The following SLC8A3 variants were observed in gnomAD, a reference collection of about 807,000 sequenced individuals.
SLC8A3 encodes sodium/calcium exchanger 3.
Under a neutral mutation model 65.4 loss-of-function variants are expected in SLC8A3, and 37 were observed. That is an observed-to-expected ratio of 0.57 (90% confidence interval 0.44 to 0.74). SLC8A3 has a LOEUF of 0.74. Ranked by LOEUF, SLC8A3 falls within the 30% of genes least tolerant of loss-of-function variation. The pLI, the probability that SLC8A3 is intolerant of heterozygous loss-of-function variation, is 0.00. For missense variants in SLC8A3, 1,112 were observed against 1,172.1 expected (o/e 0.95, Z 0.75); for synonymous variants, 461 against 444.5 (o/e 1.04, Z -0.47).
chr14:70,186,684 T>C (rs1883247405), intron 1 of SLC8A3, among the ~76,000 whole-genome samples: 1 of 152,156 alleles, frequency 6.6e-6, no homozygotes. Flanking sequence ...CTGGGCATTG[T>C]AGATTGCAAT....
intron 2 of SLC8A3, among the ~76,000 whole-genome samples, chr14:70,071,150 G>C (rs942118043): frequency 8.5e-5 from 13 of 152,150 alleles, no homozygotes; most frequent in Non-Finnish European, 1.6e-4. Flanking sequence ...ATTCAAAAAG[G>C]CCTTTGGGAA....
chr14:70,143,352 T>A (rs1895697590), intron 2 of SLC8A3, among the ~76,000 whole-genome samples: 1 of 152,208 alleles, frequency 6.6e-6, no homozygotes, highest in South Asian at 2.1e-4. Flanking sequence ...GTAACTTGCC[T>A]GAGGTCACTA....
upstream of SLC8A3, among the ~76,000 whole-genome samples, chr14:70,189,265 C>A (rs1188255898): frequency 6.6e-6 from 1 of 152,076 alleles, no homozygotes; most frequent in African/African-American, 2.4e-5. Flanking sequence ...CTGGCGCCCG[C>A]GCCTCCCGGC....
At chr14:70,047,931 A>C (rs989768048) in intron 6 of SLC8A3, 3 of 152,232 alleles carry the variant, frequency 2.0e-5, no homozygotes, top group Admixed American at 6.5e-5. Context: ...GGATTTAACA[A>C]GATAACTTTA....
intron 2 of SLC8A3, among the ~76,000 whole-genome samples, chr14:70,099,439 C>T (rs751668915): frequency 2.0e-5 from 3 of 152,186 alleles, no homozygotes; most frequent in Admixed American, 6.5e-5. Context: ...AGTTGCAAAT[C>T]GCAGCTCCTT....
chr14:70,153,682 C>T (rs1896410258), intron 2 of SLC8A3, among the ~76,000 whole-genome samples: 1 of 152,156 alleles, frequency 6.6e-6, no homozygotes, highest in Non-Finnish European at 1.5e-5. Flanking sequence ...GCCGATTATA[C>T]ATTGAGCGAT....
At chr14:70,127,599 T>C (rs1894554348) in intron 2 of SLC8A3, among the ~76,000 whole-genome samples, 2 of 152,222 alleles carry the variant, frequency 1.3e-5, no homozygotes, top group African/African-American at 2.4e-5. Context: ...GGATTTCCTT[T>C]GCTTAGTCCT....
chr14:70,138,703 AG>A (rs1361451285), intron 2 of SLC8A3, among the ~76,000 whole-genome samples: 1 of 152,186 alleles, frequency 6.6e-6, no homozygotes, highest in East Asian at 1.9e-4. Flanking sequence ...GTAGCTGTAC[AG>A]TGCTTTGAAT....
intron 3 of SLC8A3, chr14:70,055,861 G>A (rs1051750532): frequency 1.3e-6 from 2 of 1,554,156 alleles, no homozygotes; most frequent in South Asian, 1.2e-5. Context: ...AAAGGAAAGA[G>A]CATTAATGTC....
Position 70,049,032 on chromosome 14 carries a change from C to G in SLC8A3, c.2124G>C (p.Glu708Asp). 1 of 1,606,632 alleles carries G rather than the reference C, an allele frequency of 6.2e-7. No homozygotes were observed. Among genetic ancestry groups the G allele is most frequent in the Non-Finnish European group, 8.5e-7 (1 of 1,174,996 alleles). The change falls in exon 6 of 7, where the codon GAG (glutamate) becomes GAC (aspartate). Residue 708 changes from glutamate (E) to aspartate (D), a missense_variant. Coordinates refer to ENST00000356921, the MANE Select transcript of SLC8A3 (RefSeq NM_182932.3). ...TCTCCTCCCCGGATTCATCCTCATC[C>G]TCATCCCCTGCTGAAGGCAAGATAA... The part of the protein sequence containing the change: ...EAITVSAAGD[E>D]DEDESGEERL...
chr14:70,060,397 C>T (rs1594908077), intron 3 of SLC8A3, among the ~76,000 whole-genome samples: 1 of 152,106 alleles, frequency 6.6e-6, no homozygotes, highest in African/African-American at 2.4e-5. Flanking sequence ...AGGCATGCAT[C>T]GCATCACATT....
chr14:70,067,357 C>A (rs1889542715), intron 2 of SLC8A3, among the ~76,000 whole-genome samples: 1 of 152,196 alleles, frequency 6.6e-6, no homozygotes. Flanking sequence ...GTAAGCTCTG[C>A]AAGTACAGAG....
At chr14:70,186,254 C>G (rs1883207034) in intron 1 of SLC8A3, among the ~76,000 whole-genome samples, 1 of 152,192 alleles carries the variant, frequency 6.6e-6, no homozygotes, top group African/African-American at 2.4e-5. Context: ...TGATTGTAAA[C>G]TTCCTAAGGC....
intron 2 of SLC8A3, among the ~76,000 whole-genome samples, chr14:70,121,166 C>A (rs1894026064): frequency 6.6e-6 from 1 of 151,958 alleles, no homozygotes; most frequent in Non-Finnish European, 1.5e-5. Context: ...GGTCTCATAA[C>A]CCCTCATTTT....
intron 2 of SLC8A3, among the ~76,000 whole-genome samples, chr14:70,165,475 C>T (rs186028809): frequency 2.0e-5 from 3 of 152,292 alleles, no homozygotes; most frequent in Non-Finnish European, 2.9e-5. Flanking sequence ...AACAGACACC[C>T]CACACACACA....
At chr14:70,071,135 T>C (rs1463304532) in intron 2 of SLC8A3, among the ~76,000 whole-genome samples, 1 of 152,218 alleles carries the variant, frequency 6.6e-6, no homozygotes, top group African/African-American at 2.4e-5. Context: ...GGTATAAATG[T>C]GCTTATTCAA....
chr14:70,175,999 G>A (rs1847530245), intron 1 of SLC8A3, among the ~76,000 whole-genome samples: 1 of 152,018 alleles, frequency 6.6e-6, no homozygotes, highest in African/African-American at 2.4e-5. Context: ...CCTCCCAAAG[G>A]GGAAGCTTTT....
intron 2 of SLC8A3, among the ~76,000 whole-genome samples, chr14:70,129,931 G>A (rs1464712428): frequency 6.6e-6 from 1 of 152,254 alleles, no homozygotes; most frequent in Non-Finnish European, 1.5e-5. Flanking sequence ...ATGTGTTGGA[G>A]GAGAGGGTGG....
At chr14:70,065,275 T>C (rs1048223402) in intron 2 of SLC8A3, among the ~76,000 whole-genome samples, 4 of 152,194 alleles carry the variant, frequency 2.6e-5, no homozygotes, top group Admixed American at 1.3e-4. Context: ...AGTGTCCATA[T>C]TGTTGATCCT....
Sources: allele counts gnomAD v4.1 joint callset (sites outside exome capture counted in the v4.1 genomes callset), GRCh38; gene constraint gnomAD v4.1.1; transcripts MANE v1.5; gene names NCBI Gene and HGNC (gene_info 2026-07-23, HGNC 2026-07-21).